Variants in RSU1 observed in about 807,000 individuals in gnomAD.
RSU1 encodes rsu-1.
In RSU1, 26 loss-of-function variants were observed where a neutral mutation model predicts 31.1. That is an observed-to-expected ratio of 0.84 (90% CI 0.61 to 1.16). RSU1 has a LOEUF of 1.16. RSU1 is among the 50% of genes most tolerant of loss of function. RSU1 has a pLI of 0.00. For synonymous variants in RSU1, 164 were observed against 136.3 expected (o/e 1.20, Z -1.41); for missense variants, 320 against 339.1 (o/e 0.94, Z 0.44).
At chr10:16,685,466 T>G (rs1011048086) in intron 8 of RSU1, among the ~76,000 whole-genome samples, 3 of 152,154 alleles carry the variant, frequency 2.0e-5, no homozygotes, top group African/African-American at 7.2e-5. Context: ...TGTTTGCCCA[T>G]TTTTATGGTT....
At chr10:16,803,194 A>G (rs1426948423) in intron 2 of RSU1, among the ~76,000 whole-genome samples, 2 of 152,322 alleles carry the variant, frequency 1.3e-5, no homozygotes, top group Non-Finnish European at 2.9e-5. Context: ...ACAAGGTAAT[A>G]TACAAAGGCA....
intron 8 of RSU1, among the ~76,000 whole-genome samples, chr10:16,612,352 T>C (rs567420855): frequency 1.2e-4 from 18 of 152,278 alleles, no homozygotes; most frequent in African/African-American, 4.3e-4. Flanking sequence ...CTGAGCCTGG[T>C]TTTCACTGAA....
At chr10:16,752,271 C>G (rs1836994303) in intron 7 of RSU1, among the ~76,000 whole-genome samples, 1 of 152,200 alleles carries the variant, frequency 6.6e-6, no homozygotes, top group Non-Finnish European at 1.5e-5. Flanking sequence ...GCTTTTCCCA[C>G]TACATCACGC....
intron 8 of RSU1, among the ~76,000 whole-genome samples, chr10:16,624,365 C>T (rs1309486468): frequency 1.3e-5 from 2 of 152,142 alleles, no homozygotes; most frequent in African/African-American, 4.8e-5. Flanking sequence ...CCTTCCACCT[C>T]TGTGGCTGCC....
chr10:16,650,735 A>C (rs577245116), intron 8 of RSU1, among the ~76,000 whole-genome samples: 2 of 147,202 alleles, frequency 1.4e-5, no homozygotes, highest in African/African-American at 4.9e-5. Context: ...GCCCGCCACC[A>C]CACCCGGCTA....
chr10:16,651,696 G>C (rs1564301394), intron 8 of RSU1, among the ~76,000 whole-genome samples: 1 of 152,106 alleles, frequency 6.6e-6, no homozygotes, highest in Non-Finnish European at 1.5e-5. Context: ...TACTCTAAAG[G>C]TACTAGTTTA....
intron 8 of RSU1, among the ~76,000 whole-genome samples, chr10:16,692,663 T>A (rs1835584435): frequency 6.6e-6 from 1 of 152,236 alleles, no homozygotes; most frequent in Non-Finnish European, 1.5e-5. Flanking sequence ...AATCATCTGC[T>A]AATTTGTGAC....
chr10:16,709,411 T>G (rs2131578953), intron 7 of RSU1, among the ~76,000 whole-genome samples: 1 of 152,326 alleles, frequency 6.6e-6, no homozygotes, highest in South Asian at 2.1e-4. Context: ...GACATTTCGG[T>G]TGGTTCCAAG....
At chr10:16,805,048 A>C (rs1838236770) in intron 2 of RSU1, among the ~76,000 whole-genome samples, 1 of 152,168 alleles carries the variant, frequency 6.6e-6, no homozygotes. Context: ...AAATTAAAAA[A>C]AAATTTGCCG....
chr10:16,722,548 A>G (rs1836287660), intron 7 of RSU1, among the ~76,000 whole-genome samples: 1 of 152,150 alleles, frequency 6.6e-6, no homozygotes, highest in East Asian at 1.9e-4. Flanking sequence ...AATAAGATTT[A>G]TCATCTGGGG....
At position 16,743,677 on chromosome 10, in the gene RSU1, A is replaced by C. The variant is rs150392687; in HGVS notation, c.598+8862T>G. On this transcript the variant is annotated intron_variant, in intron 7 of 8. Transcript: ENST00000345264. ...CATAGTAATAGGATTTAGGCAAGAA[A>C]ACCAATTCTGTTAACAACATAAAGC... Among the ~76,000 whole-genome samples the C allele has an allele frequency of 3.0e-3, 450 of 152,330 alleles. 4 individuals carry two copies. The East Asian group carries it at 0.05, about 17-fold the overall frequency.
intron 7 of RSU1, among the ~76,000 whole-genome samples, chr10:16,739,465 C>CTTTT (rs1564339586): frequency 8.9e-6 from 1 of 112,430 alleles, no homozygotes; most frequent in East Asian, 2.9e-4. Flanking sequence ...ACATTTTCTT[C>CTTTT]CTTTTTTTTT....
intron 2 of RSU1, among the ~76,000 whole-genome samples, chr10:16,811,495 C>G (rs1307920566): frequency 6.6e-6 from 1 of 152,130 alleles, no homozygotes; most frequent in African/African-American, 2.4e-5. Flanking sequence ...AGAGGTCAAG[C>G]AACTTGCCCA....
Position 16,785,469 on chromosome 10 carries a change from T to TATACACATATATACATATATATATAC in RSU1, c.110-3386_110-3385insGTATATATATATGTATATATGTGTAT, listed in dbSNP as rs1190894470. The stretch of plus-strand genomic sequence containing the variant: ...ATATATACATATATACATATATATA[T>TATACACATATATACATATATATATAC]ACACATATATACATATATACATATA... On this transcript the variant is annotated intron_variant, in intron 2 of 8. Coordinates refer to ENST00000345264, the MANE Select transcript of RSU1 (RefSeq NM_012425.4). 6.5e-3 allele frequency among the ~76,000 whole-genome samples: 844 copies of TATACACATATATACATATATATATAC among 130,674 alleles called. 39 individuals are homozygous for TATACACATATATACATATATATATAC. The highest frequency in any genetic ancestry group is 0.055 in the East Asian group (246 of 4,490). 85.7% of individuals were successfully genotyped at this position (130,674 alleles called of 152,430 possible).
intron 7 of RSU1, among the ~76,000 whole-genome samples, chr10:16,728,577 G>A (rs75014831): frequency 0.028 from 4,266 of 152,252 alleles, 194 homozygotes; most frequent in African/African-American, 0.097. Flanking sequence ...TGTGGGAGGC[G>A]GGGTGATGGC....
At chr10:16,753,055 G>A (rs1837012579) in intron 5 of RSU1, 55 bp from the exon 6 acceptor site, 1 of 1,398,928 alleles carries the variant, frequency 7.1e-7, no homozygotes, top group African/African-American at 1.4e-5. Context: ...AACCATTTGA[G>A]GTCTGATCAA....
rs375086832 is a variant in RSU1 at position 16,646,440 on chromosome 10, G to A, written c.731+48583C>T. Among the ~76,000 whole-genome samples, 5 of 152,172 alleles carry A rather than the reference G, an allele frequency of 3.3e-5. No individual in the cohort carries two copies. In the South Asian group the frequency reaches 6.2e-4, roughly 19 times the overall value. Reference sequence around the variant, plus strand: ...GACTGAAACATCATTGTTTACAGATGAACCATCACCTCCTCTCTGACTCTT... The same window carrying A: ...GACTGAAACATCATTGTTTACAGATAAACCATCACCTCCTCTCTGACTCTT... On this transcript the variant is annotated intron_variant, in intron 8 of 8. Transcript: ENST00000345264.
intron 3 of RSU1, 138 bp downstream of exon 3, chr10:16,781,896 A>G (rs2131646190): frequency 1.5e-6 from 1 of 686,038 alleles, no homozygotes; most frequent in Non-Finnish European, 2.5e-6. Context: ...TTCTCATCTT[A>G]GTGTCACCAA....
chr10:16,602,413 T>C (rs1432645270), intron 8 of RSU1, among the ~76,000 whole-genome samples: 8 of 152,190 alleles, frequency 5.3e-5, no homozygotes, highest in Admixed American at 5.2e-4. Context: ...AATTGAGGCT[T>C]AGCAGCTTGA....
Sources: gnomAD v4.1 joint callset for allele counts (sites outside exome capture counted in the v4.1 genomes callset) on GRCh38, gnomAD v4.1.1 for gene constraint, MANE v1.5 for transcripts, NCBI Gene and HGNC (gene_info 2026-07-23, HGNC 2026-07-21) for gene names.